The following TTBK2 variants were observed in gnomAD, a reference collection of about 807,000 sequenced individuals.
TTBK2 encodes tau-tubulin kinase 2.
Under a neutral mutation model 110.8 loss-of-function variants are expected in TTBK2, and 28 were observed. The observed-to-expected ratio is 0.25, with a 90% CI of 0.19 to 0.35. TTBK2 has a LOEUF of 0.35. Ranked by LOEUF, TTBK2 falls within the 10% of genes least tolerant of loss-of-function variation. The probability of loss-of-function intolerance (pLI) is 1.00; values close to 1 mark genes in which losing one functional copy is unlikely to be tolerated. For synonymous variants in TTBK2, 532 were observed against 527.3 expected (o/e 1.01, Z -0.12); for missense variants, 1,369 against 1,500.3 (o/e 0.91, Z 1.45).
intron 3 of TTBK2, among the ~76,000 whole-genome samples, chr15:42,853,900 AAAAT>A (rs1314902271): frequency 6.6e-6 from 1 of 151,928 alleles, no homozygotes; most frequent in African/African-American, 2.4e-5. Context: ...TAAAAAATAA[AAAAT>A]AAATGAGAAA....
chr15:42,894,162 A>G (rs1202034243), intron 1 of TTBK2, among the ~76,000 whole-genome samples: 3 of 152,182 alleles, frequency 2.0e-5, no homozygotes, highest in Non-Finnish European at 4.4e-5. Flanking sequence ...GCCTGCTGCC[A>G]TGTAAGATGT....
At chr15:42,897,823 T>TACACACAC (rs60880098) in intron 1 of TTBK2, among the ~76,000 whole-genome samples, 18 of 140,762 alleles carry the variant, frequency 1.3e-4, no homozygotes, top group East Asian at 4.2e-4. Flanking sequence ...CCAGTAGTGG[T>TACACACAC]ACACACACAC....
chr15:42,857,083 C>G (rs1465776617), intron 3 of TTBK2, among the ~76,000 whole-genome samples: 2 of 151,396 alleles, frequency 1.3e-5, no homozygotes, highest in East Asian at 3.9e-4. Flanking sequence ...AAAAATCTAT[C>G]AATATTGGTT....
chr15:42,794,943 A>G (rs958397238), intron 9 of TTBK2, 142 bp from the exon 10 acceptor site: 21 of 930,142 alleles, frequency 2.3e-5, no homozygotes, highest in Non-Finnish European at 3.5e-5. Flanking sequence ...GCGAAATTTG[A>G]ATAGGAACTA....
At chr15:42,758,161 T>A (rs1477321205) in intron 13 of TTBK2, among the ~76,000 whole-genome samples, 2 of 152,198 alleles carry the variant, frequency 1.3e-5, no homozygotes, top group African/African-American at 4.8e-5. Context: ...TTCTTCCAAA[T>A]GAAAAGAATG....
chr15:42,834,848 G>T (rs1892925341), intron 4 of TTBK2, among the ~76,000 whole-genome samples: 1 of 152,176 alleles, frequency 6.6e-6, no homozygotes, highest in African/African-American at 2.4e-5. Context: ...CTGCACTCCA[G>T]ACTGGGCAAC....
At chr15:42,818,123 T>C (rs1170628986) in intron 6 of TTBK2, among the ~76,000 whole-genome samples, 2 of 152,216 alleles carry the variant, frequency 1.3e-5, no homozygotes, top group African/African-American at 4.8e-5. Context: ...TAGCCCAGGC[T>C]ATAGTGCAGT....
At chr15:42,782,367 T>C (rs1890216165) in intron 11 of TTBK2, among the ~76,000 whole-genome samples, 1 of 152,154 alleles carries the variant, frequency 6.6e-6, no homozygotes, top group Non-Finnish European at 1.5e-5. Context: ...CCACCATGCC[T>C]GGCCCTCATG....
At chr15:42,806,090 C>T (rs1341862674) in intron 9 of TTBK2, among the ~76,000 whole-genome samples, 1 of 152,068 alleles carries the variant, frequency 6.6e-6, no homozygotes, top group Non-Finnish European at 1.5e-5. Flanking sequence ...ATGGCAAAAC[C>T]CTGTCTCTAC....
chr15:42,827,629 C>T (rs892871069), intron 6 of TTBK2, among the ~76,000 whole-genome samples: 5 of 151,884 alleles, frequency 3.3e-5, no homozygotes, highest in East Asian at 1.9e-4. Flanking sequence ...GTACAATAAC[C>T]GAAATAGAAT....
intron 3 of TTBK2, among the ~76,000 whole-genome samples, chr15:42,846,332 G>T (rs1249492518): frequency 1.3e-5 from 2 of 152,088 alleles, no homozygotes; most frequent in Admixed American, 1.3e-4. Context: ...TGGGATTACA[G>T]GCGTGCACCA....
intron 9 of TTBK2, among the ~76,000 whole-genome samples, chr15:42,797,970 G>A (rs1181592495): frequency 3.3e-5 from 5 of 151,802 alleles, no homozygotes; most frequent in Admixed American, 6.6e-5. Flanking sequence ...TGCAACCTTC[G>A]CCTCCCGGGT....
intron 3 of TTBK2, among the ~76,000 whole-genome samples, chr15:42,858,858 C>T (rs1050393312): frequency 6.6e-6 from 1 of 152,140 alleles, no homozygotes. Flanking sequence ...CTGAAATTTA[C>T]AGAAATATTA....
At chr15:42,873,743 A>G (rs1466485341) in intron 2 of TTBK2, among the ~76,000 whole-genome samples, 1 of 152,134 alleles carries the variant, frequency 6.6e-6, no homozygotes, top group Non-Finnish European at 1.5e-5. Flanking sequence ...TAGTGTCTGA[A>G]AGCTGGGTTG....
intron 1 of TTBK2, among the ~76,000 whole-genome samples, chr15:42,908,780 A>G (rs193196275): frequency 6.5e-4 from 99 of 152,332 alleles, no homozygotes; most frequent in Non-Finnish European, 1.2e-3. Flanking sequence ...TACACCCTAG[A>G]AATACTTTTT....
intron 1 of TTBK2, among the ~76,000 whole-genome samples, chr15:42,906,157 C>CA (rs1274589990): frequency 1.3e-5 from 2 of 151,836 alleles, no homozygotes; most frequent in East Asian, 3.9e-4. Context: ...CATTGCACTT[C>CA]AGCCTAGGCA....
chr15:42,897,449 G>A (rs1451485788), intron 1 of TTBK2, among the ~76,000 whole-genome samples: 1 of 151,808 alleles, frequency 6.6e-6, no homozygotes, highest in African/African-American at 2.4e-5. Context: ...CAAGAACCCC[G>A]ACAATAGCTG....
intron 13 of TTBK2, among the ~76,000 whole-genome samples, chr15:42,758,519 G>A (rs767644304): frequency 3.0e-4 from 46 of 151,980 alleles, no homozygotes; most frequent in Non-Finnish European, 6.3e-4. Flanking sequence ...GCCAGGCATG[G>A]TGGCACATGC....
intron 1 of TTBK2, among the ~76,000 whole-genome samples, chr15:42,904,569 C>G (rs1457030220): frequency 6.6e-6 from 1 of 152,100 alleles, no homozygotes; most frequent in African/African-American, 2.4e-5. Flanking sequence ...TGTTGCCAAA[C>G]AGACCCAAAG....
Sources: allele counts gnomAD v4.1 joint callset (sites outside exome capture counted in the v4.1 genomes callset), GRCh38; gene constraint gnomAD v4.1.1; transcripts MANE v1.5; gene names NCBI Gene and HGNC (gene_info 2026-07-23, HGNC 2026-07-21).